Variants in P2RY8 observed in about 807,000 individuals in gnomAD.
P2RY8 encodes the protein S-geranylgeranyl-glutathione receptor P2RY8.
A neutral mutation model predicts 10.0 loss-of-function variants in P2RY8; 6 were observed. The ratio of observed to expected loss-of-function variants is 0.60; its 90% CI spans 0.33 to 1.19. P2RY8 has a LOEUF of 1.19. P2RY8 is among the 50% of genes most tolerant of loss of function. P2RY8 has a pLI of 0.04. For missense variants in P2RY8, 456 were observed against 542.0 expected (o/e 0.84, Z 1.58); for synonymous variants, 276 against 252.5 (o/e 1.09, Z -0.88).
chrX:1,510,664 C>T (rs1282988424), intron 1 of P2RY8, among the ~76,000 whole-genome samples: 3 of 151,670 alleles, frequency 2.0e-5, no homozygotes, highest in Admixed American at 6.6e-5. Context: ...GATCACTTGA[C>T]GTCAGGAGTT....
intron 1 of P2RY8, among the ~76,000 whole-genome samples, chrX:1,473,225 A>T (rs1241991835): frequency 1.4e-5 from 2 of 144,692 alleles, no homozygotes; most frequent in Non-Finnish European, 3.0e-5. Flanking sequence ...AGGTAGATGG[A>T]TAGATGAGTA....
intron 1 of P2RY8, among the ~76,000 whole-genome samples, chrX:1,468,726 CTCT>C (rs2091728308): frequency 1.1e-5 from 1 of 88,986 alleles, no homozygotes; most frequent in Non-Finnish European, 2.4e-5. Flanking sequence ...TGGGACCCTC[CTCT>C]CCTCTCTCCT....
At chrX:1,508,023 C>T (rs1190382586) in intron 1 of P2RY8, among the ~76,000 whole-genome samples, 4 of 152,116 alleles carry the variant, frequency 2.6e-5, no homozygotes, top group African/African-American at 4.8e-5. Flanking sequence ...CCCCGTATGG[C>T]GTGTGCCTGA....
intron 1 of P2RY8, among the ~76,000 whole-genome samples, chrX:1,488,733 GGTGTGTGT>G (rs771296428): frequency 6.1e-5 from 9 of 147,530 alleles, no homozygotes. Flanking sequence ...GTAAATGCAG[GGTGTGTGT>G]GTGTGTGTGT....
At chrX:1,483,211 C>T (rs1351623223) in intron 1 of P2RY8, among the ~76,000 whole-genome samples, 27 of 152,182 alleles carry the variant, frequency 1.8e-4, no homozygotes, top group African/African-American at 5.8e-4. Flanking sequence ...CATCCTGTTT[C>T]CAGCCATGTG....
At chrX:1,526,175 A>T (rs1448157278) in intron 1 of P2RY8, among the ~76,000 whole-genome samples, 1 of 148,734 alleles carries the variant, frequency 6.7e-6, no homozygotes, top group Non-Finnish European at 1.5e-5. Flanking sequence ...TCATTCATCC[A>T]CTCATTCATT....
chrX:1,526,040 G>A (rs1478581201), intron 1 of P2RY8, among the ~76,000 whole-genome samples: 3 of 143,598 alleles, frequency 2.1e-5, no homozygotes, highest in East Asian at 2.2e-4. Flanking sequence ...TTATCCAGCC[G>A]CTCATCCATC....
chrX:1,464,598 G>T lies in P2RY8; in HGVS notation c.*881C>A, dbSNP rs117839111. 2.1e-5 allele frequency: 5 copies of T among 233,358 alleles called. No homozygotes were observed. In the Admixed American group the frequency reaches 2.3e-4, roughly 11 times the overall value. The allele number at this position is 233,358 out of a possible 1,614,324, so 14.5% of individuals were successfully genotyped here. On this transcript the variant is annotated 3_prime_UTR_variant, in exon 2 of 2. Coordinates refer to ENST00000381297, the MANE Select transcript of P2RY8 (RefSeq NM_178129.5). ...TGGGATGGGCTGGACCCCATCTCAC[G>T]GAGCCTCCTTTCCGCACCTGGGCCT... is the stretch of plus-strand genomic sequence containing the variant.
chrX:1,516,791 G>T (rs1360734818), intron 1 of P2RY8, among the ~76,000 whole-genome samples: 3 of 151,544 alleles, frequency 2.0e-5, no homozygotes, highest in Non-Finnish European at 4.4e-5. Flanking sequence ...ACACACAGAG[G>T]GGCGACCCTG....
intron 1 of P2RY8, among the ~76,000 whole-genome samples, chrX:1,497,871 G>T (rs139744765): frequency 1.3e-5 from 2 of 151,982 alleles, no homozygotes; most frequent in African/African-American, 4.8e-5. Flanking sequence ...CAGCCTAGCG[G>T]GTCCTTGCCA....
chrX:1,536,284 C>T (rs1245722280), intron 1 of P2RY8, among the ~76,000 whole-genome samples: 2 of 148,980 alleles, frequency 1.3e-5, no homozygotes, highest in Non-Finnish European at 3.0e-5. Context: ...TTTTTCTAAA[C>T]AGAGTCTCGC....
rs751056296 is a variant in P2RY8 at position 1,521,944 on chromosome X, C to CTTTTTTTTTTTTTTTTT, written c.-25+14960_-25+14976dup. Among the ~76,000 whole-genome samples the CTTTTTTTTTTTTTTTTT allele has an allele frequency of 1.8e-4, 7 of 39,030 alleles. 1 individual carries two copies. The highest frequency in any genetic ancestry group is 9.4e-4 in the East Asian group (1 of 1,064). The allele number at this position is 39,030 out of a possible 152,430, so 25.6% of individuals were successfully genotyped here. On this transcript the variant is annotated intron_variant, in intron 1 of 1. Coordinates refer to ENST00000381297, the MANE Select transcript of P2RY8 (RefSeq NM_178129.5). ...TGTCTTTCTCTTTCTCTCTCGCTCT[C>CTTTTTTTTTTTTTTTTT]TTTTTTTTTTTTTTTTTTTTTTTTT...
intron 1 of P2RY8, among the ~76,000 whole-genome samples, chrX:1,496,433 G>A (rs769386274): frequency 2.6e-5 from 4 of 152,260 alleles, no homozygotes; most frequent in East Asian, 1.9e-4. Flanking sequence ...TCCCGGGTGC[G>A]ACTCCCTGGG....
intron 1 of P2RY8, among the ~76,000 whole-genome samples, chrX:1,500,895 A>G (rs1447028304): frequency 1.3e-5 from 2 of 152,240 alleles, no homozygotes; most frequent in African/African-American, 4.8e-5. Context: ...CCAGGCTCCG[A>G]GGTTCTGGGA....
At chrX:1,511,558 C>T (rs1389918542) in intron 1 of P2RY8, among the ~76,000 whole-genome samples, 2 of 152,172 alleles carry the variant, frequency 1.3e-5, no homozygotes, top group Non-Finnish European at 2.9e-5. Context: ...CTCGGTCTGT[C>T]ACCTAGGCTG....
chrX:1,465,557 G>A lies in P2RY8; in HGVS notation c.1002C>T (p.Arg334=). Residue 334 remains arginine (R), a synonymous_variant, in exon 2 of 2, where the codon CGC becomes CGT. Coordinates refer to ENST00000381297, the MANE Select transcript of P2RY8 (RefSeq NM_178129.5). ...SLFSARTTSV[R]SEAGAHPEGM... The stretch of plus-strand genomic sequence containing the variant: ...CTTCAGGGTGCGCACCGGCCTCGGA[G>A]CGCACGGACGTGGTCCTGGCGGAGA... 6.2e-7 allele frequency: 1 copy of A among 1,612,472 alleles called. No individual in the cohort carries two copies. Among genetic ancestry groups the A allele is most frequent in the East Asian group, 2.2e-5 (1 of 44,866 alleles).
At chrX:1,493,386 AGGGAGGGAG>A (rs2092077101) in intron 1 of P2RY8, among the ~76,000 whole-genome samples, 3 of 27,830 alleles carry the variant, frequency 1.1e-4, no homozygotes, top group Non-Finnish European at 1.5e-4. Flanking sequence ...AGGAGGAAGG[AGGGAGGGAG>A]GGAAGGAGGA....
At chrX:1,517,506 C>T (rs1463652479) in intron 1 of P2RY8, among the ~76,000 whole-genome samples, 1 of 152,194 alleles carries the variant, frequency 6.6e-6, no homozygotes, top group Non-Finnish European at 1.5e-5. Context: ...TTCCACCCTC[C>T]AGAGTCTCAG....
At position 1,466,439 on chromosome X, in the gene P2RY8, G is replaced by T; in HGVS notation, c.120C>A (p.Gly40=). 3 of 1,612,840 alleles carry T rather than the reference G, an allele frequency of 1.9e-6. No individual in the cohort carries two copies. The highest frequency in any genetic ancestry group is 1.1e-5 in the South Asian group (1 of 91,030). ...YSLVAAVSIP[G]NLFSLWVLCR... ...ACAGCACCCACAGAGAGAAGAGGTT[G>T]CCCGGGATGCTGACCGCCGCCACCA... The change falls in exon 2 of 2, where the codon GGC becomes GGA. Residue 40 remains glycine, a synonymous_variant. Coordinates refer to ENST00000381297, the MANE Select transcript of P2RY8 (RefSeq NM_178129.5).
Sources: allele counts gnomAD v4.1 joint callset (sites outside exome capture counted in the v4.1 genomes callset), GRCh38; gene constraint gnomAD v4.1.1; transcripts MANE v1.5; gene names NCBI Gene and HGNC (gene_info 2026-07-23, HGNC 2026-07-21).